Variants in MIPEP observed in about 807,000 individuals in gnomAD.
The protein encoded by MIPEP is mitochondrial intermediate peptidase.
MIPEP carries 79 observed loss-of-function variants against 90.3 expected under a neutral mutation model. The ratio of observed to expected loss-of-function variants is 0.87; its 90% CI spans 0.73 to 1.05. The LOEUF (loss-of-function observed/expected upper bound fraction) is 1.05, where lower values mean the gene tolerates loss of function less well. Among genes scored for constraint, MIPEP ranks in the 50% least tolerant of loss-of-function variants. MIPEP has a pLI of 0.00. For synonymous variants in MIPEP, 334 were observed against 315.8 expected (o/e 1.06, Z -0.61); for missense variants, 940 against 905.6 (o/e 1.04, Z -0.49).
At chr13:23,784,044 T>G (rs1429116921) in intron 16 of MIPEP, among the ~76,000 whole-genome samples, 1 of 152,050 alleles carries the variant, frequency 6.6e-6, no homozygotes, top group Admixed American at 6.5e-5. Flanking sequence ...ATTTATAGAT[T>G]CCCCATCTAT....
chr13:23,827,532 T>G (rs928353346), intron 14 of MIPEP, among the ~76,000 whole-genome samples: 1 of 152,094 alleles, frequency 6.6e-6, no homozygotes, highest in Admixed American at 6.5e-5. Context: ...AATAAATGCT[T>G]GTAAAGAAAA....
At chr13:23,781,632 A>G (rs1010855298) in intron 16 of MIPEP, among the ~76,000 whole-genome samples, 3 of 141,270 alleles carry the variant, frequency 2.1e-5, no homozygotes, top group African/African-American at 7.4e-5. Flanking sequence ...AATGGGCTAA[A>G]TGCTCCAATT....
intron 7 of MIPEP, among the ~76,000 whole-genome samples, chr13:23,865,228 A>T (rs1870480637): frequency 6.6e-6 from 1 of 152,182 alleles, no homozygotes; most frequent in Admixed American, 6.5e-5. Context: ...TTTCATATGT[A>T]TTTTAGTTCA....
intron 18 of MIPEP, among the ~76,000 whole-genome samples, chr13:23,736,470 C>T (rs1242828009): frequency 2.0e-5 from 3 of 152,194 alleles, no homozygotes; most frequent in South Asian, 2.1e-4. Context: ...CAAGCCAGAA[C>T]ATTTTTGTTC....
rs549617265 is a variant in MIPEP at position 23,812,022 on chromosome 13, T to C, written c.1654-2098A>G. On this transcript the variant is annotated intron_variant, in intron 14 of 18. Transcript: ENST00000382172. ...TGGGCAGTGGGCAAGAAGAACCCATTGAGCTGTGACAATATTTTCTCATTT... is the reference window on the plus strand; with the variant it reads ...TGGGCAGTGGGCAAGAAGAACCCATCGAGCTGTGACAATATTTTCTCATTT... 2.1e-4 allele frequency among the ~76,000 whole-genome samples: 32 copies of C among 152,262 alleles called. 1 individual carries two copies. The East Asian group carries it at 6.0e-3, about 28-fold the overall frequency.
intron 4 of MIPEP, among the ~76,000 whole-genome samples, chr13:23,875,605 TA>T (rs1871038535): frequency 6.6e-6 from 1 of 152,038 alleles, no homozygotes; most frequent in African/African-American, 2.4e-5. Context: ...ATATTTGATC[TA>T]CTCTTTTGGC....
chr13:23,856,445 G>C (rs977954873), intron 10 of MIPEP, among the ~76,000 whole-genome samples: 9 of 152,180 alleles, frequency 5.9e-5, no homozygotes, highest in Admixed American at 5.9e-4. Flanking sequence ...AGTGCGCCCA[G>C]AGCCAGGCTT....
chr13:23,769,660 G>A (rs915548396), intron 16 of MIPEP, among the ~76,000 whole-genome samples: 5 of 152,194 alleles, frequency 3.3e-5, no homozygotes, highest in Non-Finnish European at 7.3e-5. Context: ...TCCGCCTGCC[G>A]TGGGGAATCA....
rs113505072 is a variant in MIPEP, at chr13:23,839,865, G to A, written c.1261-139C>T. 8.1e-4 allele frequency: 451 copies of A among 560,168 alleles called. 3 individuals are homozygous for A. The highest frequency in any genetic ancestry group is 7.8e-3 in the African/African-American group (411 of 52,542). 34.7% of individuals were successfully genotyped at this position (560,168 alleles called of 1,614,324 possible). A position where few individuals can be genotyped will look rare whatever the true frequency, so the allele number is the denominator to read the frequency against. On this transcript the variant is annotated intron_variant, in intron 11 of 18. Coordinates refer to ENST00000382172, the MANE Select transcript of MIPEP (RefSeq NM_005932.4). ...TACATTCTACACCCCACATTATCTC[G>A]AGATAGATTCTCTTTTCCCCGCATC...
intron 16 of MIPEP, chr13:23,765,812 A>G (rs763266969): frequency 6.6e-6 from 1 of 152,210 alleles, no homozygotes; most frequent in African/African-American, 2.4e-5. Flanking sequence ...TCCAGGAATA[A>G]TATTTCTGGT....
intron 5 of MIPEP, among the ~76,000 whole-genome samples, chr13:23,871,112 C>T (rs1286647288): frequency 1.3e-5 from 2 of 152,144 alleles, no homozygotes; most frequent in Admixed American, 6.5e-5. Context: ...AGACTGGAAC[C>T]CCAGGGCATG....
intron 10 of MIPEP, among the ~76,000 whole-genome samples, chr13:23,853,198 T>C (rs1316726813): frequency 6.6e-6 from 1 of 152,190 alleles, no homozygotes; most frequent in Non-Finnish European, 1.5e-5. Flanking sequence ...GTGTACAGTG[T>C]CTATAAAGTC....
chr13:23,837,427 G>T, intron 13 of MIPEP, 125 bp downstream of exon 13: 1 of 724,956 alleles, frequency 1.4e-6, no homozygotes. Flanking sequence ...GAGGCAATCT[G>T]AGATAAAGAC....
intron 18 of MIPEP, among the ~76,000 whole-genome samples, chr13:23,730,927 C>T: frequency 6.6e-6 from 1 of 152,172 alleles, no homozygotes; most frequent in East Asian, 1.9e-4. Context: ...TTCCCTGTCC[C>T]AGAGAACTCC....
chr13:23,796,279 C>T (rs531971814), intron 16 of MIPEP, among the ~76,000 whole-genome samples: 73 of 151,916 alleles, frequency 4.8e-4, no homozygotes, highest in Non-Finnish European at 8.4e-4. Context: ...ATTATCAGGG[C>T]GGTGGTGCAT....
At chr13:23,850,739 C>T (rs145923687) in intron 10 of MIPEP, among the ~76,000 whole-genome samples, 104 of 152,338 alleles carry the variant, frequency 6.8e-4, no homozygotes, top group African/African-American at 2.4e-3. Flanking sequence ...AAGGAGACCT[C>T]TATTGCAATG....
intron 5 of MIPEP, among the ~76,000 whole-genome samples, chr13:23,871,202 G>C (rs1207492521): frequency 1.1e-4 from 17 of 152,202 alleles, no homozygotes; most frequent in Admixed American, 9.2e-4. Context: ...TCAGTGATGA[G>C]GACGTGGATG....
intron 16 of MIPEP, among the ~76,000 whole-genome samples, chr13:23,784,966 G>A (rs1041620802): frequency 2.0e-5 from 3 of 152,114 alleles, no homozygotes; most frequent in South Asian, 2.1e-4. Context: ...TTAGAACGGC[G>A]ATCATTAAAA....
At chr13:23,798,713 G>A (rs1233046595) in intron 16 of MIPEP, among the ~76,000 whole-genome samples, 1 of 152,080 alleles carries the variant, frequency 6.6e-6, no homozygotes, top group African/African-American at 2.4e-5. Flanking sequence ...TTAAAAGTAT[G>A]TGGCACCTAC....
Sources: gnomAD v4.1 joint callset for allele counts (sites outside exome capture counted in the v4.1 genomes callset) on GRCh38, gnomAD v4.1.1 for gene constraint, MANE v1.5 for transcripts, NCBI Gene and HGNC (gene_info 2026-07-23, HGNC 2026-07-21) for gene names.